The following LARGE1 variants were observed in gnomAD, a reference collection of about 807,000 sequenced individuals.
LARGE1 encodes xylosyl- and glucuronyltransferase LARGE1.
A neutral mutation model predicts 87.6 loss-of-function variants in LARGE1; 43 were observed. That is an observed-to-expected ratio of 0.49 (90% confidence interval 0.38 to 0.63). The LOEUF is 0.63. LARGE1 is among the 30% of genes least tolerant of loss of function. The pLI, the probability that LARGE1 is intolerant of heterozygous loss-of-function variation, is 0.00. For synonymous variants in LARGE1, 434 were observed against 394.6 expected (o/e 1.10, Z -1.18); for missense variants, 802 against 1,000.2 (o/e 0.80, Z 2.67).
intron 2 of LARGE1, among the ~76,000 whole-genome samples, chr22:33,697,916 A>G (rs1285074880): frequency 6.6e-6 from 1 of 152,214 alleles, no homozygotes; most frequent in African/African-American, 2.4e-5. Flanking sequence ...CACAAAGATG[A>G]CAGCAATAAG....
At chr22:33,182,280 G>A (rs776614786) in intron 11 of LARGE1, among the ~76,000 whole-genome samples, 1 of 152,154 alleles carries the variant, frequency 6.6e-6, no homozygotes, top group Non-Finnish European at 1.5e-5. Context: ...CACAGCATAA[G>A]TGACCAGCTG....
At chr22:33,148,907 T>C in the LARGE1 span, among the ~76,000 whole-genome samples, 6 of 152,124 alleles carry the variant, frequency 3.9e-5, no homozygotes, top group Non-Finnish European at 7.4e-5. Context: ...CATTTTCTAA[T>C]GAGATTGTTT....
At chr22:33,432,019 A>G in intron 7 of LARGE1, 142 bp downstream of exon 7, 2 of 719,416 alleles carry the variant, frequency 2.8e-6, no homozygotes, top group East Asian at 5.4e-5. Flanking sequence ...TGGAATGCAA[A>G]CTGCCCACAA....
intron 1 of LARGE1, among the ~76,000 whole-genome samples, chr22:33,849,958 A>G (rs1485999423): frequency 6.6e-6 from 1 of 152,146 alleles, no homozygotes; most frequent in Non-Finnish European, 1.5e-5. Context: ...CCAATTTTCC[A>G]TACGAGGAAA....
chr22:33,417,428 T>C (rs2066538508), intron 7 of LARGE1, among the ~76,000 whole-genome samples: 2 of 152,088 alleles, frequency 1.3e-5, no homozygotes, highest in African/African-American at 4.8e-5. Flanking sequence ...AGTCAACAAA[T>C]ATTTATTGAG....
intron 9 of LARGE1, among the ~76,000 whole-genome samples, chr22:33,355,780 G>A (rs1380038353): frequency 1.7e-5 from 1 of 59,304 alleles, no homozygotes. Context: ...GCCAAATACT[G>A]CTTTACAATG....
chr22:33,614,394 T>C (rs2079524680), intron 4 of LARGE1, among the ~76,000 whole-genome samples: 1 of 152,148 alleles, frequency 6.6e-6, no homozygotes, highest in South Asian at 2.1e-4. Flanking sequence ...CTCTGATATA[T>C]CCTCTAGCCC....
intron 10 of LARGE1, 100 bp downstream of exon 10, chr22:33,337,546 G>C: frequency 7.0e-7 from 1 of 1,422,954 alleles, no homozygotes; most frequent in Non-Finnish European, 9.8e-7. Context: ...GTTCACCTAG[G>C]TCCTGCCATG....
At chr22:33,445,070 TC>T (rs1410844066) in intron 6 of LARGE1, among the ~76,000 whole-genome samples, 8 of 152,098 alleles carry the variant, frequency 5.3e-5, no homozygotes, top group Non-Finnish European at 1.0e-4. Context: ...CCTCAGGTGA[TC>T]CGCCCGCCAC....
chr22:33,255,765 A>G (rs1927229509), intron 11 of LARGE1, among the ~76,000 whole-genome samples: 1 of 152,232 alleles, frequency 6.6e-6, no homozygotes, highest in South Asian at 2.1e-4. Flanking sequence ...GTGCAGCCAC[A>G]TTCATTTCTG....
chr22:33,446,575 T>C (rs2067693729), intron 6 of LARGE1, among the ~76,000 whole-genome samples: 3 of 152,178 alleles, frequency 2.0e-5, no homozygotes, highest in African/African-American at 4.8e-5. Flanking sequence ...CATTGCTTTG[T>C]ATCAGGAGGG....
chr22:33,267,323 C>T (rs565451535), intron 11 of LARGE1, among the ~76,000 whole-genome samples: 7 of 151,806 alleles, frequency 4.6e-5, no homozygotes, highest in Admixed American at 2.6e-4. Flanking sequence ...TAGCACTCAG[C>T]GCCCAAGGGC....
At chr22:33,899,451 G>T (rs775025838) in intron 1 of LARGE1, among the ~76,000 whole-genome samples, 3 of 152,170 alleles carry the variant, frequency 2.0e-5, no homozygotes, top group Non-Finnish European at 2.9e-5. Flanking sequence ...ATACCAAGAG[G>T]AGTTATACAT....
intron 4 of LARGE1, among the ~76,000 whole-genome samples, chr22:33,618,077 G>A (rs982701067): frequency 1.3e-5 from 2 of 152,188 alleles, no homozygotes; most frequent in African/African-American, 4.8e-5. Context: ...AAAAGAAAGC[G>A]CGTGTGACAG....
intron 7 of LARGE1, among the ~76,000 whole-genome samples, chr22:33,431,604 C>A (rs531754505): frequency 7.9e-5 from 12 of 152,138 alleles, no homozygotes; most frequent in African/African-American, 1.4e-4. Flanking sequence ...GGAGGCATGG[C>A]CACACAACAT....
intron 9 of LARGE1, among the ~76,000 whole-genome samples, chr22:33,360,442 C>G (rs2064344713): frequency 6.7e-6 from 1 of 149,690 alleles, no homozygotes; most frequent in South Asian, 2.2e-4. Context: ...AACTTACAAT[C>G]ATGGCAGAAG....
At chr22:33,853,039 T>A (rs1441936620) in intron 1 of LARGE1, among the ~76,000 whole-genome samples, 2 of 151,866 alleles carry the variant, frequency 1.3e-5, no homozygotes. Context: ...AAAGTCTTGA[T>A]GGAAATGAAG....
At position 33,794,414 on chromosome 22, in the gene LARGE1, G is replaced by T. The variant is rs2085918275; in HGVS notation, c.-82-32856C>A. On this transcript the variant is annotated intron_variant, in intron 1 of 14. Coordinates refer to ENST00000397394, the MANE Select transcript of LARGE1 (RefSeq NM_133642.5). ...AGAACTTGTTTTTAAAGCCAGAACT[G>T]CTCTCGAAGAGGAGCAAGAAGGCAG... Among the ~76,000 whole-genome samples, 2 of 152,286 alleles carry T rather than the reference G, an allele frequency of 1.3e-5. 1 individual carries two copies. The highest frequency in any genetic ancestry group is 4.2e-4 in the South Asian group (2 of 4,818).
intron 2 of LARGE1, among the ~76,000 whole-genome samples, chr22:33,670,273 A>G (rs2081371657): frequency 6.6e-6 from 1 of 152,024 alleles, no homozygotes; most frequent in South Asian, 2.1e-4. Flanking sequence ...ATAAAATCAC[A>G]CTGCAAAGAG....
Sources: allele counts gnomAD v4.1 joint callset (sites outside exome capture counted in the v4.1 genomes callset), GRCh38; gene constraint gnomAD v4.1.1; transcripts MANE v1.5; gene names NCBI Gene and HGNC (gene_info 2026-07-23, HGNC 2026-07-21).